PTCHD4: variants seen among roughly 807,000 people sequenced by gnomAD.
PTCHD4 encodes the protein patched domain-containing protein 4.
In PTCHD4, 33 loss-of-function variants were observed where a neutral mutation model predicts 58.1. The observed-to-expected ratio is 0.57, with a 90% CI of 0.43 to 0.76. PTCHD4 has a LOEUF of 0.76. PTCHD4 is among the 30% of genes least tolerant of loss of function. The pLI is 0.00. For synonymous variants in PTCHD4, 478 were observed against 409.6 expected, an observed-to-expected ratio of 1.17 and a Z score of -2.02; for missense variants, 1,058 against 1,027.1, an observed-to-expected ratio of 1.03 and a Z score of -0.41.
intron 3 of PTCHD4, among the ~76,000 whole-genome samples, chr6:48,044,634 A>T (rs930635121): frequency 6.6e-6 from 1 of 151,902 alleles, no homozygotes; most frequent in African/African-American, 2.4e-5. Context: ...AATGGCACAC[A>T]GCCATGCTCA....
rs994843535 is a variant in PTCHD4, at chr6:47,859,842, G to T, written c.*18461C>A. On this transcript the variant is annotated 3_prime_UTR_variant, in exon 5 of 5. Coordinates refer to ENST00000339488, the MANE Select transcript of PTCHD4 (RefSeq NM_001384253.1). ...GGAGGAAGATCTGTGGCTAACTGGG[G>T]GAAGAAGAGCATTCAGGGTGGTGGG... is the stretch of plus-strand genomic sequence containing the variant. Among the ~76,000 whole-genome samples the T allele has an allele frequency of 1.3e-5, 2 of 151,952 alleles. No individual in the cohort carries two copies. The highest frequency in any genetic ancestry group is 4.8e-5 in the African/African-American group (2 of 41,404).
intron 4 of PTCHD4, among the ~76,000 whole-genome samples, chr6:47,890,098 A>G (rs1411527145): frequency 6.6e-6 from 1 of 151,910 alleles, no homozygotes; most frequent in Non-Finnish European, 1.5e-5. Context: ...CATATCACAT[A>G]CGTATACACA....
At chr6:47,979,383 T>G (rs1242134136) in intron 4 of PTCHD4, among the ~76,000 whole-genome samples, 3 of 152,022 alleles carry the variant, frequency 2.0e-5, no homozygotes, top group Admixed American at 6.6e-5. Flanking sequence ...GTAAATGACA[T>G]GCACACGGAT....
At chr6:47,985,557 A>G (rs950692381) in intron 4 of PTCHD4, among the ~76,000 whole-genome samples, 6 of 152,118 alleles carry the variant, frequency 3.9e-5, no homozygotes, top group Admixed American at 3.3e-4. Flanking sequence ...TTCCTGTTTT[A>G]GAAAAAAACT....
At chr6:47,901,011 G>T (rs928881557) in intron 4 of PTCHD4, 12 of 150,780 alleles carry the variant, frequency 8.0e-5, no homozygotes, top group Non-Finnish European at 1.6e-4. Context: ...AAAATTAGCC[G>T]GGCGCGGTGG....
chr6:47,909,229 A>G (rs1229515652), intron 4 of PTCHD4, among the ~76,000 whole-genome samples: 2 of 152,146 alleles, frequency 1.3e-5, no homozygotes, highest in East Asian at 3.8e-4. Context: ...CACATCAAAC[A>G]CCTAGAGACT....
chr6:48,028,968 T>C (rs1763342523), intron 3 of PTCHD4, among the ~76,000 whole-genome samples: 2 of 152,058 alleles, frequency 1.3e-5, no homozygotes, highest in Admixed American at 6.6e-5. Flanking sequence ...ATAAATTATA[T>C]GGGAAGCACT....
chr6:48,067,264 A>G (rs1407874818), intron 3 of PTCHD4, among the ~76,000 whole-genome samples: 1 of 152,232 alleles, frequency 6.6e-6, no homozygotes, highest in Non-Finnish European at 1.5e-5. Flanking sequence ...ATCTCATTTG[A>G]GAGAAAAAAT....
chr6:48,106,342 G>T (rs2113918250), intron 1 of PTCHD4, among the ~76,000 whole-genome samples: 1 of 152,118 alleles, frequency 6.6e-6, no homozygotes, highest in East Asian at 1.9e-4. Flanking sequence ...CAGAAACAAA[G>T]ACACAAACCA....
chr6:48,013,197 C>T (rs1230395853), intron 3 of PTCHD4, among the ~76,000 whole-genome samples: 1 of 152,066 alleles, frequency 6.6e-6, no homozygotes, highest in Non-Finnish European at 1.5e-5. Flanking sequence ...GTGAATCAGT[C>T]TGGTCCTGGG....
chr6:47,999,210 C>T (rs1040767484), intron 4 of PTCHD4, among the ~76,000 whole-genome samples: 1 of 152,130 alleles, frequency 6.6e-6, no homozygotes, highest in East Asian at 1.9e-4. Flanking sequence ...GAAGGAGGCC[C>T]AGGGACAAGA....
rs147085134 is a variant in PTCHD4, at chr6:47,878,920, C to A, written c.1915G>T (p.Val639Leu). 32 of 1,613,354 alleles carry A rather than the reference C, an allele frequency of 2.0e-5. No individual in the cohort carries two copies. In the African/African-American group the frequency reaches 3.6e-4, roughly 18 times the overall value. The change falls in exon 5 of 5, where the codon GTG (valine) becomes TTG (leucine). Residue 639 changes from valine (V) to leucine (L), a missense_variant. Physicochemically the swap from Val to Leu is conservative, Grantham distance 32 (BLOSUM62 1). Transcript: ENST00000339488. The part of the protein sequence containing the change: ...LSLSKSIRFI[V>L]FNPSFVFMDH... ...ATGAAGACAAAGGAGGGGTTGAACACGATGAATCGGATGCTCTTTGAGAGG... is the reference window on the plus strand; with the variant it reads ...ATGAAGACAAAGGAGGGGTTGAACAAGATGAATCGGATGCTCTTTGAGAGG...
rs569279083 is a variant in PTCHD4, at chr6:47,878,421, G to A, written c.2414C>T (p.Thr805Met). The A allele has an allele frequency of 1.5e-5, 25 of 1,613,442 alleles. No individual in the cohort carries two copies. Among genetic ancestry groups the A allele is most frequent in the African/African-American group, 2.7e-5 (2 of 74,952 alleles). Residue 805 changes from threonine to methionine, a missense_variant, in exon 5 of 5, where the codon ACG becomes ATG. Transcript: ENST00000339488. The stretch of plus-strand genomic sequence containing the variant: ...GTGCTTTTTGGAAGGGGGGAAAAAC[G>A]TTAGGAACACAGGTAAAATAACAAA... ...HCFVILPVFL[T>M]FFPPSKKHHK...
At chr6:48,073,326 C>A (rs955338702) in intron 1 of PTCHD4, among the ~76,000 whole-genome samples, 1 of 152,204 alleles carries the variant, frequency 6.6e-6, no homozygotes, top group Non-Finnish European at 1.5e-5. Flanking sequence ...TGGACTTGGA[C>A]ACAGAATAGC....
chr6:48,016,256 T>C lies in PTCHD4; in HGVS notation c.418-7142A>G, dbSNP rs555553820. Among the ~76,000 whole-genome samples, 3 of 152,068 alleles carry C rather than the reference T, an allele frequency of 2.0e-5. No homozygotes were observed. In the East Asian group the frequency reaches 5.8e-4, roughly 29 times the overall value. On this transcript the variant is annotated intron_variant, in intron 3 of 4. Coordinates refer to ENST00000339488, the MANE Select transcript of PTCHD4 (RefSeq NM_001384253.1). ...TGAAGGGAGTAATAGGATTTGAGGC[T>C]ACAGAAGGCAGCAGGGCCTCTTCAG...
At chr6:47,981,315 T>C (rs953509516) in intron 4 of PTCHD4, among the ~76,000 whole-genome samples, 10 of 152,256 alleles carry the variant, frequency 6.6e-5, no homozygotes, top group African/African-American at 2.4e-4. Context: ...TTGTTTATTT[T>C]GTATTTTGTT....
Position 48,009,080 on chromosome 6 carries a change from C to T in PTCHD4, c.452G>A (p.Gly151Asp). The T allele has an allele frequency of 2.5e-6, 4 of 1,613,124 alleles. No individual in the cohort carries two copies. The highest frequency in any genetic ancestry group is 3.4e-6 in the Non-Finnish European group (4 of 1,179,506). The change falls in exon 4 of 5, where the codon GGC (glycine) becomes GAC (aspartate). Residue 151 changes from glycine to aspartate, a missense_variant. Coordinates refer to ENST00000339488, the MANE Select transcript of PTCHD4 (RefSeq NM_001384253.1). ...GRNSFIGHQLGGVVEVPNSKD... is the reference protein window; with the variant it reads ...GRNSFIGHQLDGVVEVPNSKD... ...GCTGTTTGGCACTTCCACTACCCCG[C>T]CCAGTTGGTGTCCAATAAAACTGTT...
At chr6:48,092,106 T>C (rs1433163652) in intron 1 of PTCHD4, among the ~76,000 whole-genome samples, 1 of 152,212 alleles carries the variant, frequency 6.6e-6, no homozygotes, top group African/African-American at 2.4e-5. Context: ...GTCCTAAATT[T>C]GTTGGGGTTC....
At chr6:47,895,910 G>C (rs2022335) in intron 4 of PTCHD4, among the ~76,000 whole-genome samples, 2 of 151,858 alleles carry the variant, frequency 1.3e-5, no homozygotes, top group Admixed American at 1.3e-4. Flanking sequence ...GATTCCATTT[G>C]GAGTATCATA....
Sources: allele counts gnomAD v4.1 joint callset (sites outside exome capture counted in the v4.1 genomes callset), GRCh38; gene constraint gnomAD v4.1.1; transcripts MANE v1.5; gene names NCBI Gene and HGNC (gene_info 2026-07-23, HGNC 2026-07-21).